PGM1: variants seen among roughly 807,000 people sequenced by gnomAD.
PGM1 encodes phosphoglucomutase 1, also known as phosphoglucomutase-1.
In PGM1, 52 loss-of-function variants were observed where a neutral mutation model predicts 55.6. That is an observed-to-expected ratio of 0.94 (90% CI 0.75 to 1.18). The LOEUF (loss-of-function observed/expected upper bound fraction) is 1.18, where lower values mean the gene tolerates loss of function less well. PGM1 is among the 50% of genes most tolerant of loss of function. The pLI, the probability that PGM1 is intolerant of heterozygous loss-of-function variation, is 0.00. For synonymous variants in PGM1, 287 were observed against 271.7 expected (o/e 1.06, Z -0.55); for missense variants, 724 against 729.3 (o/e 0.99, Z 0.08).
Position 63,648,508 on chromosome 1 carries a change from C to A in PGM1, c.1145-9C>A. On this transcript the variant is annotated splice_polypyrimidine_tract_variant and intron_variant, in intron 7 of 10. Coordinates refer to ENST00000371084, the MANE Select transcript of PGM1 (RefSeq NM_002633.3). ...CGTTTCTTACAGCAGCTTGCTGTCC[C>A]CCCTCCAGGTTCTGACCACATCCGT... 6.2e-7 allele frequency: 1 copy of A among 1,614,040 alleles called. No individual in the cohort carries two copies.
chr1:63,634,403 C>T (rs866012650), intron 4 of PGM1, among the ~76,000 whole-genome samples: 11 of 152,136 alleles, frequency 7.2e-5, no homozygotes, highest in Non-Finnish European at 1.5e-4. Flanking sequence ...AAATAACTTT[C>T]CCAAAATTAT....
intron 5 of PGM1, 118 bp from the exon 6 acceptor site, chr1:63,636,116 G>A: frequency 2.0e-6 from 2 of 987,930 alleles, no homozygotes; most frequent in Non-Finnish European, 3.1e-6. Context: ...ATGCAGTATG[G>A]AAAGGAGATC....
intron 1 of PGM1, among the ~76,000 whole-genome samples, chr1:63,609,196 G>C (rs576966248): frequency 7.5e-4 from 114 of 152,300 alleles, no homozygotes; most frequent in African/African-American, 2.7e-3. Context: ...ATCAATCTGA[G>C]ATCTTCACCT....
chr1:63,614,887 A>C (rs1648669033), intron 1 of PGM1, among the ~76,000 whole-genome samples: 1 of 152,174 alleles, frequency 6.6e-6, no homozygotes, highest in African/African-American at 2.4e-5. Context: ...TGGCCTACTG[A>C]ATTTATCTTC....
At position 63,654,349 on chromosome 1, in the gene PGM1, C is replaced by T. The variant is rs1478282071; in HGVS notation, c.1482C>T (p.Phe494=). ...TTTTCCAGGGCTTGCGCCTCATTTT[C>T]ACAGATGGTTCTCGAATCGTCTTCC... ...ISRNQGLRLI[F]TDGSRIVFRL... The change falls in exon 10 of 11, where the codon TTC becomes TTT. Residue 494 remains phenylalanine, a synonymous_variant. Coordinates refer to ENST00000371084, the MANE Select transcript of PGM1 (RefSeq NM_002633.3). 1 of 1,614,002 alleles carries T rather than the reference C, an allele frequency of 6.2e-7. No individual in the cohort carries two copies. The highest frequency in any genetic ancestry group is 2.2e-5 in the East Asian group (1 of 44,874).
At chr1:63,621,846 C>A (rs1648885636) in intron 1 of PGM1, among the ~76,000 whole-genome samples, 1 of 152,112 alleles carries the variant, frequency 6.6e-6, no homozygotes, top group South Asian at 2.1e-4. Context: ...CAGTGGCCTA[C>A]TTTCTGCTTG....
At chr1:63,641,219 T>C (rs1649506754) in intron 7 of PGM1, among the ~76,000 whole-genome samples, 1 of 152,228 alleles carries the variant, frequency 6.6e-6, no homozygotes, top group Non-Finnish European at 1.5e-5. Context: ...AGCTTCTCCT[T>C]GGTATATTTC....
chr1:63,617,496 G>T (rs1248359576), intron 1 of PGM1, among the ~76,000 whole-genome samples: 1 of 151,980 alleles, frequency 6.6e-6, no homozygotes, highest in South Asian at 2.1e-4. Flanking sequence ...CGCTTGAGAT[G>T]AGGAGTTCGA....
Position 63,619,466 on chromosome 1 carries a change from G to C in PGM1, c.247-9959G>C, listed in dbSNP as rs1648828092. 2.6e-5 allele frequency among the ~76,000 whole-genome samples: 4 copies of C among 152,218 alleles called. No homozygotes were observed. The South Asian group carries it at 8.3e-4, about 32-fold the overall frequency. The stretch of plus-strand genomic sequence containing the variant: ...GAACAGTGCTGGACAAGATCACATT[G>C]ACTGGGACCCTCAAAGCCACCCCAG... On this transcript the variant is annotated intron_variant, in intron 1 of 10. Transcript: ENST00000371084.
At chr1:63,636,887 T>C (rs1460438318) in intron 6 of PGM1, among the ~76,000 whole-genome samples, 1 of 152,182 alleles carries the variant, frequency 6.6e-6, no homozygotes, top group African/African-American at 2.4e-5. Context: ...AAAGAGCAGT[T>C]TGAAGTAATT....
intron 1 of PGM1, among the ~76,000 whole-genome samples, chr1:63,594,942 C>T (rs1238990669): frequency 7.8e-6 from 1 of 127,632 alleles, no homozygotes; most frequent in Non-Finnish European, 1.5e-5. Context: ...GCCTCGGCGA[C>T]AGAGCGAGAC....
At chr1:63,608,014 G>GTGCCGCAGACACTTTTACTGTTTAC (rs1553178032) in intron 1 of PGM1, among the ~76,000 whole-genome samples, 2 of 152,208 alleles carry the variant, frequency 1.3e-5, no homozygotes, top group African/African-American at 4.8e-5. Flanking sequence ...TTCAAAGAAA[G>GTGCCGCAGACACTTTTACTGTTTAC]TGCCGCAGAC....
chr1:63,633,880 G>C (rs1487808800), intron 4 of PGM1, among the ~76,000 whole-genome samples: 862 of 27,890 alleles, frequency 0.031, 27 homozygotes, highest in South Asian at 0.061. Flanking sequence ...GTGTGTGTGT[G>C]TGTGTGTGTG....
In PGM1 at chr1:63,630,097, A is replaced by G; in HGVS notation, c.556+9A>G. The G allele has an allele frequency of 6.2e-7, 1 of 1,613,594 alleles. No homozygotes were observed. Among genetic ancestry groups the G allele is most frequent in the Non-Finnish European group, 8.5e-7 (1 of 1,179,496 alleles). ...GTTCAAACCCTTCACAGGCATGTTTACTTTCCTCCTCTTTCTGCCCACTCC... is the reference window on the plus strand; with the variant it reads ...GTTCAAACCCTTCACAGGCATGTTTGCTTTCCTCCTCTTTCTGCCCACTCC... On this transcript the variant is annotated intron_variant, in intron 3 of 10. Transcript: ENST00000371084.
At chr1:63,623,704 C>A (rs768248432) in intron 1 of PGM1, 2 of 1,612,330 alleles carry the variant, frequency 1.2e-6, no homozygotes, top group South Asian at 1.1e-5. Flanking sequence ...TGGAGATGGG[C>A]GGTACTTTAA....
chr1:63,643,445 A>G (rs1649568616), intron 7 of PGM1, among the ~76,000 whole-genome samples: 1 of 152,208 alleles, frequency 6.6e-6, no homozygotes, highest in Non-Finnish European at 1.5e-5. Flanking sequence ...AAGGCACCTT[A>G]TGGAAAGGAA....
chr1:63,621,568 G>C (rs572073043), intron 1 of PGM1, among the ~76,000 whole-genome samples: 5 of 152,152 alleles, frequency 3.3e-5, no homozygotes, highest in Non-Finnish European at 5.9e-5. Flanking sequence ...TTACAAAATA[G>C]GAATTTAAAA....
At chr1:63,633,351 C>T (rs1445352659) in intron 4 of PGM1, among the ~76,000 whole-genome samples, 1 of 152,124 alleles carries the variant, frequency 6.6e-6, no homozygotes, top group East Asian at 1.9e-4. Flanking sequence ...GGAGCTTCTC[C>T]GGAAGAAGAC....
chr1:63,654,862 T>C (rs1046041998), intron 10 of PGM1, among the ~76,000 whole-genome samples: 1 of 152,000 alleles, frequency 6.6e-6, no homozygotes, highest in East Asian at 1.9e-4. Context: ...AATTCTCAAA[T>C]AACTTAGACT....
Sources: gnomAD v4.1 joint callset for allele counts (sites outside exome capture counted in the v4.1 genomes callset) on GRCh38, gnomAD v4.1.1 for gene constraint, MANE v1.5 for transcripts, NCBI Gene and HGNC (gene_info 2026-07-23, HGNC 2026-07-21) for gene names.